Variants in CCDC102B observed in about 807,000 individuals in gnomAD.
The protein encoded by CCDC102B is coiled-coil domain containing 102B.
In CCDC102B, 75 loss-of-function variants were observed where a neutral mutation model predicts 57.4. That is an observed-to-expected ratio of 1.31 (90% confidence interval 1.08 to 1.58). The LOEUF (loss-of-function observed/expected upper bound fraction) is 1.58, where lower values mean the gene tolerates loss of function less well. Among genes scored for constraint, CCDC102B ranks in the 40% most tolerant of loss-of-function variants. The pLI, the probability that CCDC102B is intolerant of heterozygous loss-of-function variation, is 0.00. For synonymous variants in CCDC102B, 206 were observed against 201.9 expected, an observed-to-expected ratio of 1.02 and a Z score of -0.17; for missense variants, 636 against 582.6, an observed-to-expected ratio of 1.09 and a Z score of -0.94.
At chr18:68,841,634 T>G (rs2037634744) in intron 3 of CCDC102B, among the ~76,000 whole-genome samples, 2 of 152,188 alleles carry the variant, frequency 1.3e-5, no homozygotes, top group Admixed American at 1.3e-4. Flanking sequence ...GTTTTCAAAT[T>G]TCACTGCAGA....
chr18:69,007,302 A>C (rs73451771), intron 6 of CCDC102B, among the ~76,000 whole-genome samples: 503 of 152,338 alleles, frequency 3.3e-3, no homozygotes, highest in African/African-American at 0.011. Context: ...ATAGTTTCTC[A>C]CATAACAAAA....
At chr18:68,844,845 A>G (rs542125974) in intron 3 of CCDC102B, among the ~76,000 whole-genome samples, 1 of 151,916 alleles carries the variant, frequency 6.6e-6, no homozygotes, top group African/African-American at 2.4e-5. Context: ...TTACTTTTCT[A>G]TCTGAAATTG....
intron 1 of CCDC102B, among the ~76,000 whole-genome samples, chr18:68,811,374 A>G (rs12608155): frequency 0.17 from 26,539 of 152,076 alleles, 2,642 homozygotes; most frequent in East Asian, 0.35. Flanking sequence ...TAATCTCAGC[A>G]CTTCGTGAGG....
Position 68,759,624 on chromosome 18 carries a change from CAG to C in CCDC102B, c.-67+43031_-67+43032del, listed in dbSNP as rs911838073. On this transcript the variant is annotated intron_variant, in intron 2 of 3. Transcript: ENST00000578970. ...TTCTATACACATTCAAATTGTCAAT[CAG>C]GGGTTTGTACAAACTAAAAATGTTT... is the stretch of plus-strand genomic sequence containing the variant. Among the ~76,000 whole-genome samples, 17 of 152,154 alleles carry C rather than the reference CAG, an allele frequency of 1.1e-4. 1 individual carries two copies. Among genetic ancestry groups the C allele is most frequent in the East Asian group, 9.7e-4 (5 of 5,180 alleles).
At chr18:68,764,434 A>T (rs1236698281) in intron 2 of CCDC102B, among the ~76,000 whole-genome samples, 1 of 152,184 alleles carries the variant, frequency 6.6e-6, no homozygotes, top group Non-Finnish European at 1.5e-5. Flanking sequence ...GTTTTTCAAG[A>T]TTACCCAGTT....
At chr18:68,843,790 C>T (rs9962597) in intron 3 of CCDC102B, among the ~76,000 whole-genome samples, 90,544 of 151,632 alleles carry the variant, frequency 0.6, 27,247 homozygotes, top group Non-Finnish European at 0.62. Context: ...AATATACATC[C>T]CAATTATAAA....
chr18:69,047,362 A>G (rs957277894), intron 7 of CCDC102B, among the ~76,000 whole-genome samples: 7 of 152,146 alleles, frequency 4.6e-5, no homozygotes, highest in African/African-American at 1.7e-4. Context: ...AAAAACCCTC[A>G]GTAAACTAGG....
At chr18:68,813,925 T>TATA (rs751351482) in intron 1 of CCDC102B, among the ~76,000 whole-genome samples, 52 of 151,934 alleles carry the variant, frequency 3.4e-4, no homozygotes, top group Non-Finnish European at 6.3e-4. Flanking sequence ...AAATAAAAAT[T>TATA]TTTATAAGTT....
chr18:68,775,474 A>C (rs1436425462), intron 2 of CCDC102B, among the ~76,000 whole-genome samples: 3 of 151,966 alleles, frequency 2.0e-5, no homozygotes, highest in Non-Finnish European at 4.4e-5. Flanking sequence ...CAAGTATGGA[A>C]TTTAATTTTT....
rs142586416 is a variant in CCDC102B at position 68,825,191 on chromosome 18, G to A, written c.-15-11558G>A. Among the ~76,000 whole-genome samples the A allele has an allele frequency of 1.0e-3, 152 of 152,272 alleles. 1 individual carries two copies. The highest frequency in any genetic ancestry group is 3.6e-3 in the African/African-American group (148 of 41,568). On this transcript the variant is annotated intron_variant, in intron 1 of 7. Coordinates refer to ENST00000360242, the MANE Select transcript of CCDC102B (RefSeq NM_024781.3). The stretch of plus-strand genomic sequence containing the variant: ...AAAATGATTTATTCTCATAGTAAAT[G>A]AAACTGATGAAACTGACATGCTTAA...
At chr18:68,828,346 A>C (rs964810140) in intron 1 of CCDC102B, among the ~76,000 whole-genome samples, 17 of 135,062 alleles carry the variant, frequency 1.3e-4, no homozygotes, top group African/African-American at 4.7e-4. Context: ...AAAAAAAAAA[A>C]ACCTTCAACT....
chr18:68,842,287 A>C (rs1000493483), intron 3 of CCDC102B, among the ~76,000 whole-genome samples: 1 of 151,792 alleles, frequency 6.6e-6, no homozygotes, highest in African/African-American at 2.4e-5. Flanking sequence ...AAATCTGGTT[A>C]ATACTATTTA....
At chr18:68,737,728 T>C (rs1483648791) in intron 2 of CCDC102B, among the ~76,000 whole-genome samples, 2 of 152,178 alleles carry the variant, frequency 1.3e-5, no homozygotes, top group Non-Finnish European at 2.9e-5. Flanking sequence ...CAGCCCTGTT[T>C]CTTCATGATT....
intron 6 of CCDC102B, among the ~76,000 whole-genome samples, chr18:68,911,353 A>G (rs1307385437): frequency 6.6e-6 from 1 of 152,178 alleles, no homozygotes; most frequent in Non-Finnish European, 1.5e-5. Flanking sequence ...CAAATAAAGC[A>G]TGTTCTCACT....
intron 6 of CCDC102B, among the ~76,000 whole-genome samples, chr18:68,932,889 T>C (rs1197417610): frequency 1.3e-5 from 2 of 151,942 alleles, no homozygotes; most frequent in Non-Finnish European, 2.9e-5. Context: ...CTTTCTGCTC[T>C]TGAATAATAA....
chr18:68,956,532 ATATATTTTATATATAT>A (rs2049891348), intron 6 of CCDC102B, among the ~76,000 whole-genome samples: 1 of 10,294 alleles, frequency 9.7e-5, no homozygotes, highest in African/African-American at 4.6e-4. Context: ...TATATATATT[ATATATTTTATATATAT>A]AAATATTATA....
At chr18:68,760,615 T>C (rs1198971097) in intron 2 of CCDC102B, among the ~76,000 whole-genome samples, 5 of 152,024 alleles carry the variant, frequency 3.3e-5, no homozygotes, top group Non-Finnish European at 5.9e-5. Flanking sequence ...AGGAAAGATA[T>C]AACCATTGCC....
intron 2 of CCDC102B, among the ~76,000 whole-genome samples, chr18:68,763,745 A>T (rs2034330625): frequency 7.4e-6 from 1 of 135,380 alleles, no homozygotes; most frequent in African/African-American, 3.2e-5. Flanking sequence ...CTCAATACAG[A>T]CAAATATTCC....
chr18:68,848,560 A>G (rs78300123), intron 4 of CCDC102B, among the ~76,000 whole-genome samples: 1,722 of 152,184 alleles, frequency 0.011, 41 homozygotes, highest in African/African-American at 0.039. Context: ...AAGAGAAAAG[A>G]TAAGAATTTA....
Sources: gnomAD v4.1 joint callset for allele counts (sites outside exome capture counted in the v4.1 genomes callset) on GRCh38, gnomAD v4.1.1 for gene constraint, MANE v1.5 for transcripts, NCBI Gene and HGNC (gene_info 2026-07-23, HGNC 2026-07-21) for gene names.